The following MYH9 variants were observed in gnomAD, a reference collection of about 807,000 sequenced individuals.
The protein encoded by MYH9 is myosin-9.
Under a neutral mutation model 241.9 loss-of-function variants are expected in MYH9, and 29 were observed. That is an observed-to-expected ratio of 0.12 (90% confidence interval 0.09 to 0.16). The LOEUF (loss-of-function observed/expected upper bound fraction) is 0.16. Among genes scored for constraint, MYH9 ranks in the 10% least tolerant of loss-of-function variants. The pLI is 1.00. For missense variants in MYH9, 1,803 were observed against 2,595.5 expected (o/e 0.69, Z 6.63); for synonymous variants, 1,047 against 1,062.6 (o/e 0.99, Z 0.29).
chr22:36,293,147 T>G lies in MYH9; in HGVS notation c.4095+182A>C, dbSNP rs2016733199. Among the ~76,000 whole-genome samples, 1 of 152,224 alleles carries G rather than the reference T, an allele frequency of 6.6e-6. No homozygotes were observed. Among genetic ancestry groups the G allele is most frequent in the African/African-American group, 2.4e-5 (1 of 41,452 alleles). On this transcript the variant is annotated intron_variant, in intron 30 of 40. Transcript: ENST00000216181. The surrounding 1 kb of genome is among the most constrained non-coding windows in gnomAD (Gnocchi z 5.1). Reference sequence around the variant, plus strand: ...AAAATAGTGGTGTCCCCCATCTAAGTCCACAGATCCCTGGATTCCTTTCCT... The same window carrying G: ...AAAATAGTGGTGTCCCCCATCTAAGGCCACAGATCCCTGGATTCCTTTCCT...
chr22:36,371,273 T>C (rs1167427812), intron 1 of MYH9, among the ~76,000 whole-genome samples: 1 of 152,196 alleles, frequency 6.6e-6, no homozygotes, highest in Non-Finnish European at 1.5e-5. Context: ...AATGAGGTCC[T>C]TCGGGTAGGC....
At position 36,322,471 on chromosome 22, in the gene MYH9, G is replaced by T. The variant is rs375965637; in HGVS notation, c.663C>A (p.Phe221Leu). The change falls in exon 6 of 41, where the codon TTC becomes TTA. Residue 221 changes from phenylalanine (F) to leucine (L), a missense_variant. Phe to Leu is a conservative substitution (Grantham distance 22, BLOSUM62 0). Around this residue, in one of 11 missense-constraint regions of MYH9, gnomAD observed 222 missense variants for 359.9 expected, o/e 0.62. Coordinates refer to ENST00000216181, the MANE Select transcript of MYH9 (RefSeq NM_002473.6). ...CATTCTTCACGGTCTTGGCGTTCCC[G>T]AAGGCCTCCAGGATGGGGTTGGCCT... ...LLQANPILEAFGNAKTVKNDN... is the reference protein window; with the variant it reads ...LLQANPILEALGNAKTVKNDN... 6.2e-7 allele frequency: 1 copy of T among 1,613,848 alleles called. No individual in the cohort carries two copies. Among genetic ancestry groups the T allele is most frequent in the Admixed American group, 1.7e-5 (1 of 60,026 alleles).
At position 36,282,269 on chromosome 22, in the gene MYH9, G is replaced by A. The variant is rs570467489; in HGVS notation, c.*399C>T. 2.1e-5 allele frequency: 8 copies of A among 382,620 alleles called. No homozygotes were observed. The highest frequency in any genetic ancestry group is 1.3e-4 in the South Asian group (4 of 31,580). 23.7% of individuals were successfully genotyped at this position (382,620 alleles called of 1,614,324 possible). A position where few individuals can be genotyped will look rare whatever the true frequency, so the allele number is the denominator to read the frequency against. ...AGACGTCAGGGAGGCTGACGACTGC[G>A]GGGGCTCCGACTACCAAAAGGCCTC... On this transcript the variant is annotated 3_prime_UTR_variant, in exon 41 of 41. Transcript: ENST00000216181.
chr22:36,334,781 G>T (rs1055971145), intron 3 of MYH9, among the ~76,000 whole-genome samples: 1 of 152,124 alleles, frequency 6.6e-6, no homozygotes, highest in Non-Finnish European at 1.5e-5. Context: ...TCACACACAC[G>T]GCGTCTTACT....
In MYH9 at chr22:36,288,982, G is replaced by C. The variant is rs1384376883; in HGVS notation, c.4558-43C>G. On this transcript the variant is annotated intron_variant, in intron 32 of 40. Coordinates refer to ENST00000216181, the MANE Select transcript of MYH9 (RefSeq NM_002473.6). The surrounding 1 kb of genome is among the most constrained non-coding windows in gnomAD (Gnocchi z 4.8). Reference sequence around the variant, plus strand: ...CAAGTCAGGAGCAAAGGGACTGGCAGGTACCTGGGTCTGCGCGACCCGGAG... The same window carrying C: ...CAAGTCAGGAGCAAAGGGACTGGCACGTACCTGGGTCTGCGCGACCCGGAG... 1.9e-6 allele frequency: 3 copies of C among 1,613,038 alleles called. No individual in the cohort carries two copies. The highest frequency in any genetic ancestry group is 1.7e-6 in the Non-Finnish European group (2 of 1,179,908).
At chr22:36,289,446 G>A (rs996949680) in intron 31 of MYH9, 149 bp from the exon 32 acceptor site, 20 of 695,728 alleles carry the variant, frequency 2.9e-5, no homozygotes, top group Non-Finnish European at 4.6e-5. Flanking sequence ...GCTGTGCCCA[G>A]GACAATACAC....
At chr22:36,297,556 GTGCCTGCCTCGTGATGGTTATTCCC>G (rs2016807921) in intron 24 of MYH9, among the ~76,000 whole-genome samples, 3 of 152,188 alleles carry the variant, frequency 2.0e-5, no homozygotes. Flanking sequence ...ACCTAGAACA[GTGCCTGCCTCGTGATGGTTATTCCC>G]TGCCGTGCCT....
intron 1 of MYH9, among the ~76,000 whole-genome samples, chr22:36,381,327 C>A (rs560463684): frequency 6.6e-6 from 1 of 152,102 alleles, no homozygotes; most frequent in Non-Finnish European, 1.5e-5. Context: ...CCAACCTGGG[C>A]AACATGGTGA....
intron 2 of MYH9, among the ~76,000 whole-genome samples, chr22:36,342,227 C>T (rs1469629638): frequency 1.3e-5 from 2 of 152,204 alleles, no homozygotes; most frequent in Non-Finnish European, 2.9e-5. Context: ...ATACCCAATA[C>T]TCCAAGTGTG....
chr22:36,356,882 G>A (rs1049071269), intron 1 of MYH9, among the ~76,000 whole-genome samples: 1 of 152,222 alleles, frequency 6.6e-6, no homozygotes, highest in Non-Finnish European at 1.5e-5. Flanking sequence ...ACACCCAAAC[G>A]CAGTAAGCAC....
intron 3 of MYH9, among the ~76,000 whole-genome samples, chr22:36,328,057 G>A (rs148866129): frequency 2.6e-4 from 39 of 152,312 alleles, no homozygotes; most frequent in South Asian, 4.1e-4. Flanking sequence ...TCCCTCCTCC[G>A]CAGCGTGGGA....
Position 36,295,490 on chromosome 22 carries a change from G to A in MYH9, c.3485+15C>T, listed in dbSNP as rs753698922. ...CTGCCCTCCCCATCCCGAGGGACTTGGTCCCAGGGCACACCTGAGCTCCTG... is the reference window on the plus strand; with the variant it reads ...CTGCCCTCCCCATCCCGAGGGACTTAGTCCCAGGGCACACCTGAGCTCCTG... On this transcript the variant is annotated intron_variant, in intron 26 of 40. Coordinates refer to ENST00000216181, the MANE Select transcript of MYH9 (RefSeq NM_002473.6). The surrounding 1 kb of genome is among the most constrained non-coding windows in gnomAD (Gnocchi z 4.1). 2.5e-6 allele frequency: 4 copies of A among 1,610,086 alleles called. No individual in the cohort carries two copies. The South Asian group carries it at 3.3e-5, about 13-fold the overall frequency.
intron 1 of MYH9, among the ~76,000 whole-genome samples, chr22:36,372,088 T>C (rs930477233): frequency 2.6e-5 from 4 of 152,090 alleles, no homozygotes; most frequent in African/African-American, 9.7e-5. Context: ...CAGCTGCTTC[T>C]GAAGTCACCC....
At chr22:36,317,200 G>A (rs994076081) in intron 11 of MYH9, among the ~76,000 whole-genome samples, 11 of 152,172 alleles carry the variant, frequency 7.2e-5, no homozygotes, top group Admixed American at 2.6e-4. Flanking sequence ...TGCTGAAGCC[G>A]CCTACGTGAT....
At chr22:36,336,851 T>C (rs1409418909) in intron 3 of MYH9, among the ~76,000 whole-genome samples, 3 of 152,202 alleles carry the variant, frequency 2.0e-5, no homozygotes, top group African/African-American at 7.2e-5. Context: ...TCTCTGTCTA[T>C]AAACATGCCT....
intron 31 of MYH9, 97 bp downstream of exon 31, chr22:36,291,889 C>G: frequency 6.3e-7 from 1 of 1,591,232 alleles, no homozygotes; most frequent in Non-Finnish European, 8.6e-7. Flanking sequence ...CCCGGCGAGA[C>G]CCTGAGGGAG....
chr22:36,297,273 T>G, intron 24 of MYH9: 1 of 530,856 alleles, frequency 1.9e-6, no homozygotes. Flanking sequence ...AGCTGGTGTT[T>G]GTAATTCCCT....
chr22:36,377,770 C>A (rs2018193620), intron 1 of MYH9, among the ~76,000 whole-genome samples: 1 of 151,974 alleles, frequency 6.6e-6, no homozygotes, highest in Non-Finnish European at 1.5e-5. Flanking sequence ...ATTAGCCGGG[C>A]ACGGTGGCGG....
rs2017235962 is a variant in MYH9 at position 36,320,691 on chromosome 22, AC to A, written c.868+106del. 1 of 978,678 alleles carries A rather than the reference AC, an allele frequency of 1.0e-6. No homozygotes were observed. The highest frequency in any genetic ancestry group is 2.0e-5 in the Admixed American group (1 of 50,460). 60.6% of individuals were successfully genotyped at this position (978,678 alleles called of 1,614,324 possible). ...AGTCACTCTCACTTCTCCCCGTTAA[AC>A]CCAAGGCCAAAAGTTTTCATTTCCC... On this transcript the variant is annotated intron_variant, in intron 8 of 40. Coordinates refer to ENST00000216181, the MANE Select transcript of MYH9 (RefSeq NM_002473.6). The surrounding 1 kb of genome is among the most constrained non-coding windows in gnomAD (Gnocchi z 4.8).
Sources: gnomAD v4.1 joint callset for allele counts (sites outside exome capture counted in the v4.1 genomes callset) on GRCh38, gnomAD v4.1.1 for gene constraint, gnomAD v4.1.1 regional missense constraint, Gnocchi (gnomAD v3.1) non-coding constraint, MANE v1.5 for transcripts, NCBI Gene and HGNC (gene_info 2026-07-23, HGNC 2026-07-21) for gene names.